Variants in TTC6 observed in about 807,000 individuals in gnomAD.
The protein encoded by TTC6 is tetratricopeptide repeat protein 6.
In TTC6, 172 loss-of-function variants were observed where a neutral mutation model predicts 210.4. That is an observed-to-expected ratio of 0.82 (90% CI 0.72 to 0.93). The LOEUF is 0.93. TTC6 is among the 40% of genes least tolerant of loss of function. The pLI, the probability that TTC6 is intolerant of heterozygous loss-of-function variation, is 0.00. For missense variants in TTC6, 2,414 were observed against 2,318.1 expected (o/e 1.04, Z -0.85); for synonymous variants, 804 against 819.6 (o/e 0.98, Z 0.32).
intron 14 of TTC6, among the ~76,000 whole-genome samples, chr14:37,761,985 AT>A (rs1189878432): frequency 2.6e-5 from 4 of 152,168 alleles, no homozygotes; most frequent in Non-Finnish European, 5.9e-5. Context: ...CCCATTTTTC[AT>A]AACACCCAAC....
At chr14:37,644,667 T>A (rs1164911278) in intron 1 of TTC6, among the ~76,000 whole-genome samples, 2 of 152,182 alleles carry the variant, frequency 1.3e-5, no homozygotes, top group African/African-American at 4.8e-5. Context: ...CTCTTATGGC[T>A]CAAAGTGTTA....
At chr14:37,614,197 T>A (rs1215132261) in intron 2 of TTC6, among the ~76,000 whole-genome samples, 6 of 152,180 alleles carry the variant, frequency 3.9e-5, no homozygotes, top group African/African-American at 1.4e-4. Context: ...ATAATATCTT[T>A]TGTTTTTCAT....
intron 1 of TTC6, among the ~76,000 whole-genome samples, chr14:37,651,266 A>T (rs1041655370): frequency 6.6e-6 from 1 of 150,924 alleles, no homozygotes; most frequent in African/African-American, 2.4e-5. Flanking sequence ...CTTCTCTGTC[A>T]ACACAATTCA....
At chr14:37,699,871 A>G (rs996456821) in intron 4 of TTC6, among the ~76,000 whole-genome samples, 1 of 152,138 alleles carries the variant, frequency 6.6e-6, no homozygotes, top group Non-Finnish European at 1.5e-5. Flanking sequence ...CTGAAACACT[A>G]AAGATGATTT....
chr14:37,753,877 A>G (rs930248643), intron 14 of TTC6, among the ~76,000 whole-genome samples: 2 of 151,148 alleles, frequency 1.3e-5, no homozygotes, highest in Admixed American at 6.6e-5. Context: ...TTTCATTTGT[A>G]CATAGCATAG....
intron 1 of TTC6, among the ~76,000 whole-genome samples, chr14:37,663,784 T>A (rs1315214530): frequency 6.6e-6 from 1 of 152,044 alleles, no homozygotes; most frequent in Non-Finnish European, 1.5e-5. Flanking sequence ...CTTCTTACAT[T>A]GATAAGCAAC....
At chr14:37,639,883 C>CT (rs1472605889) in intron 1 of TTC6, among the ~76,000 whole-genome samples, 2 of 124,388 alleles carry the variant, frequency 1.6e-5, no homozygotes, top group African/African-American at 6.3e-5. Flanking sequence ...GAGACCCTGT[C>CT]TTAAAAAAAA....
Position 37,643,176 on chromosome 14 carries a change from C to T in TTC6, c.939+20173C>T, listed in dbSNP as rs2095695305. On this transcript the variant is annotated intron_variant, in intron 1 of 30. Coordinates refer to ENST00000553443, the Ensembl canonical transcript of TTC6. The stretch of plus-strand genomic sequence containing the variant: ...TACAAAAACTAGCTGGGTGTGGTGG[C>T]TCACTCCTGTAATTCCAGCTACTCA... 2.6e-5 allele frequency among the ~76,000 whole-genome samples: 4 copies of T among 152,002 alleles called. No homozygotes were observed. In the South Asian group the frequency reaches 8.3e-4, roughly 32 times the overall value.
At chr14:37,786,776 AT>A (rs2096068805) in intron 14 of TTC6, among the ~76,000 whole-genome samples, 1 of 152,210 alleles carries the variant, frequency 6.6e-6, no homozygotes, top group South Asian at 2.1e-4. Flanking sequence ...ACCTCCCACT[AT>A]TTTTATTTCT....
At chr14:37,820,376 A>G (rs2096152530) in intron 26 of TTC6, among the ~76,000 whole-genome samples, 1 of 152,206 alleles carries the variant, frequency 6.6e-6, no homozygotes, top group Non-Finnish European at 1.5e-5. Context: ...CTCATTAAAC[A>G]TTAGTGCTGA....
chr14:37,801,940 C>T (rs2096107589), intron 20 of TTC6, among the ~76,000 whole-genome samples: 1 of 152,120 alleles, frequency 6.6e-6, no homozygotes, highest in East Asian at 1.9e-4. Flanking sequence ...AAGATACATG[C>T]ATGTGTATGT....
At chr14:37,685,055 T>TC (rs1358877518) in intron 3 of TTC6, among the ~76,000 whole-genome samples, 2 of 152,190 alleles carry the variant, frequency 1.3e-5, no homozygotes, top group Admixed American at 1.3e-4. Flanking sequence ...GGTATTTTTG[T>TC]CTAAATCATG....
intron 1 of TTC6, among the ~76,000 whole-genome samples, chr14:37,623,651 T>C (rs2095655391): frequency 1.3e-5 from 2 of 152,142 alleles, no homozygotes; most frequent in Admixed American, 1.3e-4. Flanking sequence ...GTGGAGGCCT[T>C]CTAGCTTTAG....
chr14:37,718,865 G>A (rs2095856897), intron 6 of TTC6, among the ~76,000 whole-genome samples: 1 of 152,092 alleles, frequency 6.6e-6, no homozygotes. Context: ...CTGAGCCTGG[G>A]AGGTTGAGGC....
chr14:37,712,341 C>A (rs1427011999), intron 5 of TTC6, among the ~76,000 whole-genome samples: 1 of 152,190 alleles, frequency 6.6e-6, no homozygotes, highest in African/African-American at 2.4e-5. Context: ...ATCTCCCTCT[C>A]CTCCCAACCT....
At chr14:37,833,223 A>G (rs2096190114) in intron 29 of TTC6, among the ~76,000 whole-genome samples, 1 of 152,080 alleles carries the variant, frequency 6.6e-6, no homozygotes, top group Non-Finnish European at 1.5e-5. Context: ...GTCCCCAAAT[A>G]TTGTTTTATT....
chr14:37,755,882 C>A (rs894599261), intron 14 of TTC6, among the ~76,000 whole-genome samples: 1 of 152,114 alleles, frequency 6.6e-6, no homozygotes, highest in Admixed American at 6.6e-5. Context: ...GTTTCTAATT[C>A]TGTGAAGAAA....
chr14:37,680,189 AC>A lies in TTC6; in HGVS notation c.980del (p.Pro327LeufsTer24). 2 of 1,533,928 alleles carry A rather than the reference AC, an allele frequency of 1.3e-6. No homozygotes were observed. The highest frequency in any genetic ancestry group is 1.7e-6 in the Non-Finnish European group (2 of 1,145,876). ...TGGGAAAAATGTACCTCAAAACATC[AC>A]CTATGCAAGCAGAAACACCTGAGAT... On this transcript the variant is annotated frameshift_variant, in exon 2 of 31. Coordinates refer to ENST00000553443, the Ensembl canonical transcript of TTC6. LOFTEE classifies it high-confidence loss of function.
At chr14:37,601,604 G>A (rs2095615739) in intron 1 of TTC6, among the ~76,000 whole-genome samples, 1 of 152,218 alleles carries the variant, frequency 6.6e-6, no homozygotes, top group Admixed American at 6.5e-5. Flanking sequence ...TGAAGAATTG[G>A]ATGGGAAAGA....
Sources: allele counts gnomAD v4.1 joint callset (sites outside exome capture counted in the v4.1 genomes callset), GRCh38; gene constraint gnomAD v4.1.1; transcripts MANE v1.5; gene names NCBI Gene and HGNC (gene_info 2026-07-23, HGNC 2026-07-21).